PIP5K1B: variants seen among roughly 807,000 people sequenced by gnomAD.
The protein encoded by PIP5K1B is phosphatidylinositol-4-phosphate 5-kinase type 1 beta.
Under a neutral mutation model 67.0 loss-of-function variants are expected in PIP5K1B, and 42 were observed. The ratio of observed to expected loss-of-function variants is 0.63; its 90% CI spans 0.49 to 0.81. PIP5K1B has a LOEUF of 0.81. Ranked by LOEUF, PIP5K1B falls within the 30% of genes least tolerant of loss-of-function variation. The pLI, the probability that PIP5K1B is intolerant of heterozygous loss-of-function variation, is 0.00. For missense variants in PIP5K1B, 459 were observed against 646.3 expected (o/e 0.71, Z 3.14); for synonymous variants, 214 against 231.4 (o/e 0.92, Z 0.68).
At chr9:68,966,255 G>T (rs1313368599) in intron 14 of PIP5K1B, among the ~76,000 whole-genome samples, 1 of 152,120 alleles carries the variant, frequency 6.6e-6, no homozygotes, top group African/African-American at 2.4e-5. Context: ...CCTGAAGGAA[G>T]TGGAACACAA....
At chr9:68,764,079 T>C (rs983601021) in intron 2 of PIP5K1B, among the ~76,000 whole-genome samples, 5 of 146,600 alleles carry the variant, frequency 3.4e-5, no homozygotes, top group African/African-American at 7.5e-5. Flanking sequence ...AACTTCTTTT[T>C]TTTTTTTTTT....
chr9:68,840,377 C>CAA (rs962426623), intron 4 of PIP5K1B, among the ~76,000 whole-genome samples: 7 of 108,688 alleles, frequency 6.4e-5, no homozygotes, highest in African/African-American at 2.1e-4. Flanking sequence ...AACTCCATCT[C>CAA]AAAAAAAAAA....
At position 68,754,171 on chromosome 9, in the gene PIP5K1B, A is replaced by ATTTTTTTTTTTTTT. The variant is rs750644171; in HGVS notation, c.-86+11517_-86+11518insTTTTTTTTTTTTTT. Reference sequence around the variant, plus strand: ...TTTAAGTCTTCTTTTATGTTCCATGATTTCTTTTTTTTTTTTGAGACAGAG... The same window carrying ATTTTTTTTTTTTTT: ...TTTAAGTCTTCTTTTATGTTCCATGATTTTTTTTTTTTTTTTTCTTTTTTTTTTTTGAGACAGAG... On this transcript the variant is annotated intron_variant, in intron 2 of 15. Coordinates refer to ENST00000265382, the MANE Select transcript of PIP5K1B (RefSeq NM_003558.4). 7.6e-4 allele frequency among the ~76,000 whole-genome samples: 42 copies of ATTTTTTTTTTTTTT among 55,572 alleles called. 2 individuals carry two copies. In the East Asian group the frequency reaches 0.015, roughly 20 times the overall value. The allele number at this position is 55,572 out of a possible 152,430, so 36.5% of individuals were successfully genotyped here.
chr9:68,963,617 A>T (rs1828866762), intron 14 of PIP5K1B, among the ~76,000 whole-genome samples: 1 of 152,182 alleles, frequency 6.6e-6, no homozygotes, highest in African/African-American at 2.4e-5. Context: ...TAGAAGGAAG[A>T]CACGTTTGAT....
intron 4 of PIP5K1B, among the ~76,000 whole-genome samples, chr9:68,854,402 T>TTACA (rs1450686778): frequency 1.3e-5 from 2 of 152,030 alleles, no homozygotes; most frequent in Non-Finnish European, 2.9e-5. Context: ...AATGCTGGAA[T>TTACA]TACAGGTGCA....
At chr9:68,814,464 G>GT (rs1272468762) in intron 2 of PIP5K1B, among the ~76,000 whole-genome samples, 1 of 152,086 alleles carries the variant, frequency 6.6e-6, no homozygotes, top group Non-Finnish European at 1.5e-5. Context: ...AAAAAATGAA[G>GT]TAGACATACA....
chr9:68,988,283 A>G (rs1830178978), intron 14 of PIP5K1B, among the ~76,000 whole-genome samples: 2 of 151,724 alleles, frequency 1.3e-5, no homozygotes, highest in Non-Finnish European at 2.9e-5. Flanking sequence ...AAAATTTAAA[A>G]GAAAGACACT....
At chr9:69,000,894 C>CT (rs35077587) in intron 15 of PIP5K1B, among the ~76,000 whole-genome samples, 86,920 of 144,370 alleles carry the variant, frequency 0.6, 26,970 homozygotes, top group Middle Eastern at 0.75. Flanking sequence ...GGGAGCACAA[C>CT]TTTTTTTTTT....
chr9:68,743,237 G>A (rs980552451), intron 2 of PIP5K1B, among the ~76,000 whole-genome samples: 3 of 144,874 alleles, frequency 2.1e-5, no homozygotes, highest in Non-Finnish European at 4.5e-5. Context: ...AAACAGGGTT[G>A]TCACTCTGTC....
chr9:68,735,444 C>G (rs1828691573), intron 1 of PIP5K1B, among the ~76,000 whole-genome samples: 1 of 149,508 alleles, frequency 6.7e-6, no homozygotes, highest in South Asian at 2.1e-4. Context: ...ATAAGTTGAC[C>G]TCCTCTTGAT....
intron 8 of PIP5K1B, 72 bp from the exon 9 acceptor site, chr9:68,917,474 GCT>G (rs1336019447): frequency 9.7e-7 from 1 of 1,029,590 alleles, no homozygotes; most frequent in Non-Finnish European, 1.5e-6. Flanking sequence ...TATATCTAGA[GCT>G]CTCTGATAAT....
chr9:68,799,461 T>C (rs1365993913), intron 2 of PIP5K1B, among the ~76,000 whole-genome samples: 1 of 152,124 alleles, frequency 6.6e-6, no homozygotes, highest in Non-Finnish European at 1.5e-5. Context: ...AAGAGCAAAG[T>C]TGAAGGCATC....
Position 68,748,613 on chromosome 9 carries a change from C to CTT in PIP5K1B, c.-86+5976_-86+5977dup, listed in dbSNP as rs58954806. On this transcript the variant is annotated intron_variant, in intron 2 of 15. Transcript: ENST00000265382. ...GGCGGCTGAGTTTCAGATTTCTTTT[C>CTT]TTTTTTTTTTTTTTTTTTTTTGTTT... 2.9e-3 allele frequency among the ~76,000 whole-genome samples: 283 copies of CTT among 98,250 alleles called. 2 individuals are homozygous for CTT. Among genetic ancestry groups the CTT allele is most frequent in the African/African-American group, 6.2e-3 (163 of 26,092 alleles). 64.5% of individuals were successfully genotyped at this position (98,250 alleles called of 152,430 possible).
chr9:68,749,443 C>T (rs1829506307), intron 2 of PIP5K1B, among the ~76,000 whole-genome samples: 1 of 152,154 alleles, frequency 6.6e-6, no homozygotes, highest in Admixed American at 6.5e-5. Context: ...AGTTTCAGCC[C>T]AGTGACATTG....
At chr9:68,996,566 G>C (rs1050953373) in intron 15 of PIP5K1B, among the ~76,000 whole-genome samples, 2 of 152,166 alleles carry the variant, frequency 1.3e-5, no homozygotes, top group Non-Finnish European at 2.9e-5. Context: ...GGGCAATCAC[G>C]CAGTCTTCAT....
intron 6 of PIP5K1B, among the ~76,000 whole-genome samples, chr9:68,877,176 A>T (rs564654957): frequency 2.0e-5 from 3 of 152,360 alleles, no homozygotes; most frequent in Non-Finnish European, 4.4e-5. Context: ...ACCTTGGCCC[A>T]CAATCATTTC....
chr9:68,746,014 T>C (rs1359685508), intron 2 of PIP5K1B, among the ~76,000 whole-genome samples: 1 of 151,944 alleles, frequency 6.6e-6, no homozygotes, highest in Non-Finnish European at 1.5e-5. Flanking sequence ...AAGCATGAAT[T>C]AAAAAGTTAC....
rs1300107939 is a variant in PIP5K1B, at chr9:69,008,973, C to T, written c.*524C>T. On this transcript the variant is annotated 3_prime_UTR_variant, in exon 16 of 16. Coordinates refer to ENST00000265382, the MANE Select transcript of PIP5K1B (RefSeq NM_003558.4). ...CTGCCTTCACTTTATAGAAAACTAGCTTCTATAAAGATTTTTTCACTGTTT... is the reference window on the plus strand; with the variant it reads ...CTGCCTTCACTTTATAGAAAACTAGTTTCTATAAAGATTTTTTCACTGTTT... The T allele has an allele frequency of 1.3e-5, 2 of 154,854 alleles. No individual in the cohort carries two copies. Among genetic ancestry groups the T allele is most frequent in the African/African-American group, 2.4e-5 (1 of 41,426 alleles). 9.6% of individuals were successfully genotyped at this position (154,854 alleles called of 1,614,324 possible). A position where few individuals can be genotyped will look rare whatever the true frequency, so the allele number is the denominator to read the frequency against.
intron 2 of PIP5K1B, among the ~76,000 whole-genome samples, chr9:68,813,142 T>A (rs1303335539): frequency 1.3e-5 from 2 of 152,160 alleles, no homozygotes; most frequent in African/African-American, 2.4e-5. Context: ...AGGAAGACAT[T>A]TCTGGACATG....
Sources: gnomAD v4.1 joint callset for allele counts (sites outside exome capture counted in the v4.1 genomes callset) on GRCh38, gnomAD v4.1.1 for gene constraint, MANE v1.5 for transcripts, NCBI Gene and HGNC (gene_info 2026-07-23, HGNC 2026-07-21) for gene names.